SMG1: variants seen among roughly 807,000 people sequenced by gnomAD.
SMG1 encodes the protein SMG1 nonsense mediated mRNA decay associated PI3K related kinase.
SMG1 carries 22 observed loss-of-function variants against 419.9 expected under a neutral mutation model. The observed-to-expected ratio is 0.05, with a 90% CI of 0.04 to 0.07. The LOEUF is 0.07. Among genes scored for constraint, SMG1 ranks in the 10% least tolerant of loss-of-function variants. The pLI is 1.00. For synonymous variants in SMG1, 1,538 were observed against 1,553.5 expected (o/e 0.99, Z 0.23); for missense variants, 3,185 against 4,342.0 (o/e 0.73, Z 7.49).
At chr16:18,902,673 T>G (rs906823795) in intron 1 of SMG1, among the ~76,000 whole-genome samples, 16 of 150,576 alleles carry the variant, frequency 1.1e-4, no homozygotes, top group African/African-American at 3.2e-4. Context: ...GCCACTGCAC[T>G]CTCGCCTGGG....
chr16:18,898,476 A>G (rs902942943), intron 1 of SMG1, among the ~76,000 whole-genome samples: 10 of 152,328 alleles, frequency 6.6e-5, no homozygotes, highest in African/African-American at 2.4e-4. Context: ...TATTAACTCA[A>G]TGGACCATAA....
At position 18,819,482 on chromosome 16, in the gene SMG1, G is replaced by A; in HGVS notation, c.9894+20C>T. 2 of 1,606,314 alleles carry A rather than the reference G, an allele frequency of 1.2e-6. No individual in the cohort carries two copies. The highest frequency in any genetic ancestry group is 1.7e-6 in the Non-Finnish European group (2 of 1,175,934). On this transcript the variant is annotated intron_variant, in intron 56 of 62. Transcript: ENST00000446231. ...TCCTGTAAAAGTGAATACAAAGATG[G>A]TGCATGTAAGTCACAATACCTGACT... is the stretch of plus-strand genomic sequence containing the variant.
chr16:18,827,962 A>G, intron 55 of SMG1, 69 bp downstream of exon 55: 1 of 1,507,868 alleles, frequency 6.6e-7, no homozygotes, highest in Non-Finnish European at 9.0e-7. Context: ...ACAACAGAGC[A>G]CTAACAATCA....
rs766720772 is a variant in SMG1 at position 18,836,129 on chromosome 16, C to T, written c.7861G>A (p.Gly2621Arg). 1.9e-6 allele frequency: 3 copies of T among 1,609,688 alleles called. No individual in the cohort carries two copies. The highest frequency in any genetic ancestry group is 3.4e-5 in the Admixed American group (2 of 59,268). ...HLISQCEQLE[G>R]EVGALLQQRR... is the part of the protein sequence containing the mutation. ...TGCTGCAGGAGAGCACCAACCTCCC[C>T]CTCCAGCTGCTCGCACTGGCTAATC... is the stretch of plus-strand genomic sequence containing the variant. The change falls in exon 48 of 63, where the codon GGG (glycine) becomes AGG (arginine). Residue 2621 changes from glycine (G) to arginine (R), a missense_variant. This residue lies in a region of SMG1 where 412 missense variants were observed against 546.6 expected (regional missense o/e 0.75). Coordinates refer to ENST00000446231, the MANE Select transcript of SMG1 (RefSeq NM_015092.5).
Position 18,852,113 on chromosome 16 carries a change from A to C in SMG1, c.5006T>G (p.Ile1669Arg), listed in dbSNP as rs1247875381. The change falls in exon 33 of 63, where the codon ATA (isoleucine) becomes AGA (arginine). Residue 1669 changes from isoleucine (I) to arginine (R), a missense_variant. By Grantham distance (97) the Ile-to-Arg change is moderately conservative (BLOSUM62 -3). Transcript: ENST00000446231. ...CACAGCCTGTCCAAGAATACCATAT[A>C]TTCTCTCTTTCTCTTCCTCAGTTAT... ...DTITEEEKERIYGILGQAVCR... is the reference protein window; with the variant it reads ...DTITEEEKERRYGILGQAVCR... 1 of 1,613,470 alleles carries C rather than the reference A, an allele frequency of 6.2e-7. No homozygotes were observed. The highest frequency in any genetic ancestry group is 8.5e-7 in the Non-Finnish European group (1 of 1,179,800).
At chr16:18,905,379 A>C (rs865956975) in intron 1 of SMG1, among the ~76,000 whole-genome samples, 3 of 152,114 alleles carry the variant, frequency 2.0e-5, no homozygotes, top group Non-Finnish European at 2.9e-5. Flanking sequence ...GCCTTCACTT[A>C]CTTTTTAACC....
intron 45 of SMG1, 94 bp downstream of exon 45, chr16:18,837,920 A>T: frequency 1.4e-6 from 2 of 1,395,210 alleles, no homozygotes; most frequent in Non-Finnish European, 9.8e-7. Context: ...TTTGCCAAAA[A>T]AATTAGAGAA....
intron 57 of SMG1, 22 bp from the exon 58 acceptor site, chr16:18,816,551 T>C (rs765514131): frequency 4.0e-5 from 64 of 1,597,408 alleles, no homozygotes; most frequent in Non-Finnish European, 5.3e-5. Context: ...AAGCATTTGT[T>C]TGACTTCGAG....
intron 1 of SMG1, among the ~76,000 whole-genome samples, chr16:18,908,250 C>A (rs1458023260): frequency 6.6e-6 from 1 of 151,768 alleles, no homozygotes; most frequent in African/African-American, 2.4e-5. Context: ...CATCTGTAAT[C>A]CCAGCTACTC....
At position 18,815,867 on chromosome 16, in the gene SMG1, G is replaced by C. The variant is rs533339859; in HGVS notation, c.10303-216C>G. The C allele has an allele frequency of 3.7e-5, 20 of 545,192 alleles. No individual in the cohort carries two copies. The Admixed American group carries it at 4.8e-4, about 13-fold the overall frequency. 33.8% of individuals were successfully genotyped at this position (545,192 alleles called of 1,614,324 possible). A position where few individuals can be genotyped will look rare whatever the true frequency, so the allele number is the denominator to read the frequency against. On this transcript the variant is annotated intron_variant, in intron 58 of 62. Transcript: ENST00000446231. ...AATTAAATTATTTACTGTTTGTAAT[G>C]ATGAAGTAATAGCCTTTTCTGGAGG...
At chr16:18,813,107 G>T (rs972427131) in intron 60 of SMG1, among the ~76,000 whole-genome samples, 15 of 152,084 alleles carry the variant, frequency 9.9e-5, no homozygotes, top group African/African-American at 2.9e-4. Context: ...CTTTGCTATT[G>T]TGAGTAGTGC....
intron 1 of SMG1, among the ~76,000 whole-genome samples, chr16:18,908,742 T>TG (rs1158311191): frequency 6.6e-6 from 1 of 151,796 alleles, no homozygotes; most frequent in East Asian, 2.0e-4. Flanking sequence ...TAGCCAGGCG[T>TG]GGTGGCAGGC....
chr16:18,854,215 C>T (rs2034771107), intron 30 of SMG1, among the ~76,000 whole-genome samples: 1 of 149,396 alleles, frequency 6.7e-6, no homozygotes, highest in Non-Finnish European at 1.5e-5. Context: ...GCCCCTCAAG[C>T]AGCCGGAACT....
intron 4 of SMG1, among the ~76,000 whole-genome samples, chr16:18,891,968 G>A (rs1254121912): frequency 6.6e-5 from 10 of 152,180 alleles, no homozygotes; most frequent in South Asian, 2.1e-4. Context: ...TCAGGAGGCT[G>A]CAGTGGGAGG....
In SMG1 at chr16:18,863,804, C is replaced by T; in HGVS notation, c.3541G>A (p.Glu1181Lys). Reference protein sequence around the residue: ...VLSKPTDSSPEVINYLGNKAC... With the variant: ...VLSKPTDSSPKVINYLGNKAC... ...TTATTTCCTAAATAATTTATAACCT[C>T]AGGGGAAGAGTCAGTCGGTTTGGAC... The change falls in exon 25 of 63, where the codon GAG becomes AAG. Residue 1181 changes from glutamate to lysine, a missense_variant. Coordinates refer to ENST00000446231, the MANE Select transcript of SMG1 (RefSeq NM_015092.5). 6.3e-7 allele frequency: 1 copy of T among 1,589,808 alleles called. No individual in the cohort carries two copies. The highest frequency in any genetic ancestry group is 8.6e-7 in the Non-Finnish European group (1 of 1,163,628).
At chr16:18,877,313 T>G in intron 11 of SMG1, 81 bp from the exon 12 acceptor site, 1 of 1,033,166 alleles carries the variant, frequency 9.7e-7, no homozygotes, top group South Asian at 1.5e-5. Context: ...CACTGATAAG[T>G]GAAAGAAGCC....
At chr16:18,881,907 A>G (rs2036415318) in intron 10 of SMG1, among the ~76,000 whole-genome samples, 1 of 152,142 alleles carries the variant, frequency 6.6e-6, no homozygotes, top group Non-Finnish European at 1.5e-5. Context: ...AAAACGAAAG[A>G]ATAAGATTTA....
chr16:18,830,227 C>T lies in SMG1; in HGVS notation c.8935G>A (p.Val2979Ile), dbSNP rs1237150813. Residue 2979 changes from valine to isoleucine, a missense_variant, in exon 52 of 63, where the codon GTT (valine) becomes ATT (isoleucine). Val to Ile is a conservative substitution (Grantham distance 29, BLOSUM62 3). This residue lies in a region of SMG1 where 737 missense variants were observed against 846.6 expected (regional missense o/e 0.87). Transcript: ENST00000446231. Reference protein sequence around the residue: ...AQVETAFSLLVEKLNKMEIPI... With the variant: ...AQVETAFSLLIEKLNKMEIPI... Reference sequence around the variant, plus strand: ...TCCAAGTCCACATTTACCTTTTCAACTAATAAGCTGAAAGCAGTTTCAACT... The same window carrying T: ...TCCAAGTCCACATTTACCTTTTCAATTAATAAGCTGAAAGCAGTTTCAACT... 4 of 1,613,810 alleles carry T rather than the reference C, an allele frequency of 2.5e-6. No individual in the cohort carries two copies. The highest frequency in any genetic ancestry group is 2.7e-5 in the African/African-American group (2 of 75,040).
intron 15 of SMG1, 124 bp downstream of exon 15, chr16:18,872,060 T>C (rs577563276): frequency 6.2e-6 from 3 of 484,044 alleles, no homozygotes; most frequent in African/African-American, 6.1e-5. Flanking sequence ...ATAAAGAAGC[T>C]GCTCTACCTC....
Sources: allele counts gnomAD v4.1 joint callset (sites outside exome capture counted in the v4.1 genomes callset), GRCh38; gene constraint gnomAD v4.1.1; regional missense constraint gnomAD v4.1.1; transcripts MANE v1.5; gene names NCBI Gene and HGNC (gene_info 2026-07-23, HGNC 2026-07-21).